CFAP97D2: variants seen among roughly 807,000 people sequenced by gnomAD.
CFAP97D2 encodes CFAP97 domain containing 2.
intron 4 of CFAP97D2, among the ~76,000 whole-genome samples, chr13:114,221,081 T>C (rs1428738910): frequency 6.6e-6 from 1 of 152,172 alleles, no homozygotes; most frequent in African/African-American, 2.4e-5. Context: ...ACCCCGTCTC[T>C]ACTAAAAATA....
At chr13:114,206,989 A>C (rs981108608) in intron 3 of CFAP97D2, among the ~76,000 whole-genome samples, 3 of 152,214 alleles carry the variant, frequency 2.0e-5, no homozygotes, top group African/African-American at 4.8e-5. Context: ...AGGCATTGAA[A>C]TGCCAACAAA....
At chr13:114,191,217 G>T (rs1470723664) in intron 1 of CFAP97D2, among the ~76,000 whole-genome samples, 3 of 151,926 alleles carry the variant, frequency 2.0e-5, no homozygotes, top group East Asian at 3.8e-4. Flanking sequence ...GCAAGAAATA[G>T]GTTTTTAGAC....
At chr13:114,212,613 G>T (rs1566616414) in intron 4 of CFAP97D2, among the ~76,000 whole-genome samples, 2 of 152,272 alleles carry the variant, frequency 1.3e-5, no homozygotes, top group East Asian at 3.9e-4. Flanking sequence ...ACTTTGGGAG[G>T]CCAAGGCGGG....
In CFAP97D2 at chr13:114,211,014, G is replaced by A. The variant is rs1032632789; in HGVS notation, c.291-898G>A. On this transcript the variant is annotated intron_variant, in intron 3 of 4. Transcript: ENST00000646158. The surrounding 1 kb of genome is among the most constrained non-coding windows in gnomAD (Gnocchi z 4.2). ...GCACAGGACAGTGCCTGGCACAGAG[G>A]AAGTGCCCAACAAGTCTCCAGAGGG... Among the ~76,000 whole-genome samples, 3 of 152,184 alleles carry A rather than the reference G, an allele frequency of 2.0e-5. No homozygotes were observed. Among genetic ancestry groups the A allele is most frequent in the African/African-American group, 7.2e-5 (3 of 41,438 alleles).
At chr13:114,214,209 T>C (rs2080983696) in intron 4 of CFAP97D2, 2 of 152,290 alleles carry the variant, frequency 1.3e-5, no homozygotes. Context: ...CCTTCCATGC[T>C]TGGTACAACA....
chr13:114,200,006 G>A (rs1279321712), intron 2 of CFAP97D2, among the ~76,000 whole-genome samples: 1 of 142,842 alleles, frequency 7.0e-6, no homozygotes, highest in African/African-American at 2.6e-5. Context: ...AGGCGTGACG[G>A]CGCGTCCCTG....
At chr13:114,218,095 TGCAGATGAC>T (rs1261860673) in intron 4 of CFAP97D2, among the ~76,000 whole-genome samples, 64 of 152,356 alleles carry the variant, frequency 4.2e-4, no homozygotes, top group Admixed American at 1.2e-3. Flanking sequence ...TGTCCCTGTT[TGCAGATGAC>T]GTGATTGTAT....
intron 1 of CFAP97D2, among the ~76,000 whole-genome samples, chr13:114,184,138 G>C (rs2080846770): frequency 6.6e-6 from 1 of 152,166 alleles, no homozygotes; most frequent in Non-Finnish European, 1.5e-5. Flanking sequence ...GCAACAAAAT[G>C]AGACCCTGTC....
chr13:114,216,763 G>A (rs2080995497), intron 4 of CFAP97D2, among the ~76,000 whole-genome samples: 1 of 152,242 alleles, frequency 6.6e-6, no homozygotes. Context: ...GTGTGCATGT[G>A]TCTTTATAGC....
chr13:114,183,440 T>G (rs1566610851), intron 1 of CFAP97D2, among the ~76,000 whole-genome samples: 1 of 152,228 alleles, frequency 6.6e-6, no homozygotes, highest in Non-Finnish European at 1.5e-5. Context: ...AGTGCTAGGA[T>G]TACAGGTGTG....
chr13:114,221,599 G>C (rs1338316138), intron 4 of CFAP97D2, among the ~76,000 whole-genome samples: 1 of 152,108 alleles, frequency 6.6e-6, no homozygotes, highest in Non-Finnish European at 1.5e-5. Flanking sequence ...ATTACAATAA[G>C]GATGTGGAGA....
intron 1 of CFAP97D2, among the ~76,000 whole-genome samples, chr13:114,182,197 A>G (rs1159075415): frequency 7.0e-6 from 1 of 142,742 alleles, no homozygotes; most frequent in Non-Finnish European, 1.5e-5. Flanking sequence ...CTATGTCGTA[A>G]TTAAGTTCAA....
At chr13:114,192,073 T>TG (rs998615071) in intron 1 of CFAP97D2, among the ~76,000 whole-genome samples, 7 of 18,284 alleles carry the variant, frequency 3.8e-4, no homozygotes, top group South Asian at 1.5e-3. Flanking sequence ...GGTGGGTGGG[T>TG]GGGGGGAGGA....
intron 2 of CFAP97D2, among the ~76,000 whole-genome samples, chr13:114,197,910 C>T (rs916318280): frequency 3.9e-5 from 6 of 152,188 alleles, no homozygotes; most frequent in South Asian, 2.1e-4. Flanking sequence ...GTCTCAAACT[C>T]CTGACTTCAG....
intron 1 of CFAP97D2, among the ~76,000 whole-genome samples, chr13:114,194,415 T>C (rs2080878710): frequency 6.6e-6 from 1 of 152,184 alleles, no homozygotes; most frequent in South Asian, 2.1e-4. Flanking sequence ...GGATTTCTCA[T>C]AGCAAATTGC....
At chr13:114,182,170 A>ACAT (rs1555349192) in intron 1 of CFAP97D2, among the ~76,000 whole-genome samples, 4 of 128,918 alleles carry the variant, frequency 3.1e-5, no homozygotes, top group African/African-American at 1.2e-4. Flanking sequence ...GTCAGCAAAA[A>ACAT]ACGTGAGCAA....
rs149643523 is a variant in CFAP97D2, at chr13:114,210,543, A to G, written c.291-1369A>G. Among the ~76,000 whole-genome samples the G allele has an allele frequency of 2.4e-4, 37 of 151,414 alleles. 2 individuals are homozygous for G. The East Asian group carries it at 7.0e-3, about 29-fold the overall frequency. ...ACTTTCTGCACTTCCTACCTCCCTC[A>G]CTGTTTTCTTCTGCCCTATTTTCTT... On this transcript the variant is annotated intron_variant, in intron 3 of 4. Transcript: ENST00000646158.
At chr13:114,191,194 G>T (rs1206241405) in intron 1 of CFAP97D2, among the ~76,000 whole-genome samples, 1 of 151,866 alleles carries the variant, frequency 6.6e-6, no homozygotes, top group East Asian at 1.9e-4. Context: ...TTTTAAATCA[G>T]CAAGCAGAGC....
rs7325910 is a variant in CFAP97D2, at chr13:114,185,271, G to A, written c.90+5851G>A. On this transcript the variant is annotated intron_variant, in intron 1 of 4. Transcript: ENST00000646158. This position sits in a 1 kb window ranked among gnomAD's most constrained non-coding sequence, Gnocchi z 5.2. The stretch of plus-strand genomic sequence containing the variant: ...CGGAGCCCACCCCTGGGAGCCCCCT[G>A]GAACCTGTCACCCTAAGAGCCGCTG... Among the ~76,000 whole-genome samples the A allele has an allele frequency of 8.6e-3, 1,304 of 152,308 alleles. 14 individuals are homozygous for A. Among genetic ancestry groups the A allele is most frequent in the African/African-American group, 0.03 (1,241 of 41,558 alleles).
Sources: gnomAD v4.1 joint callset for allele counts (sites outside exome capture counted in the v4.1 genomes callset) on GRCh38, gnomAD v4.1.1 for gene constraint, Gnocchi (gnomAD v3.1) non-coding constraint, MANE v1.5 for transcripts, NCBI Gene and HGNC (gene_info 2026-07-23, HGNC 2026-07-21) for gene names.